RNF152: variants seen among roughly 807,000 people sequenced by gnomAD.
The protein encoded by RNF152 is E3 ubiquitin-protein ligase RNF152.
A neutral mutation model predicts 12.7 loss-of-function variants in RNF152; 11 were observed. That is an observed-to-expected ratio of 0.86 (90% CI 0.54 to 1.43). RNF152 has a LOEUF of 1.43. Among genes scored for constraint, RNF152 ranks in the 40% most tolerant of loss-of-function variants. The pLI, the probability that RNF152 is intolerant of heterozygous loss-of-function variation, is 0.00. For missense variants in RNF152, 255 were observed against 274.8 expected (o/e 0.93, Z 0.51); for synonymous variants, 113 against 120.3 (o/e 0.94, Z 0.40).
chr18:61,837,125 G>T (rs1232147739), intron 1 of RNF152, among the ~76,000 whole-genome samples: 1 of 152,304 alleles, frequency 6.6e-6, no homozygotes, highest in African/African-American at 2.4e-5. Flanking sequence ...ACGCCTAAAT[G>T]TTCGTCTTGC....
chr18:61,837,104 T>A (rs1221125190), intron 1 of RNF152, among the ~76,000 whole-genome samples: 1 of 152,172 alleles, frequency 6.6e-6, no homozygotes, highest in Non-Finnish European at 1.5e-5. Context: ...CAACATCCCT[T>A]ATGAAGTATC....
intron 1 of RNF152, among the ~76,000 whole-genome samples, chr18:61,844,134 GAAAGAAAT>G (rs1853424918): frequency 7.6e-6 from 1 of 131,020 alleles, no homozygotes. Context: ...AAGAAAGAAA[GAAAGAAAT>G]TAAGAGAAAA....
At position 61,812,588 on chromosome 18, in the gene RNF152, C is replaced by T. The variant is rs1293858393; in HGVS notation, c.*3264G>A. 2 of 152,158 alleles carry T rather than the reference C, an allele frequency of 1.3e-5. No homozygotes were observed. Among genetic ancestry groups the T allele is most frequent in the African/African-American group, 4.8e-5 (2 of 41,438 alleles). The allele number at this position is 152,158 out of a possible 1,614,324, so 9.4% of individuals were successfully genotyped here. On this transcript the variant is annotated 3_prime_UTR_variant, in exon 2 of 2. Coordinates refer to ENST00000312828, the MANE Select transcript of RNF152 (RefSeq NM_173557.3). Reference sequence around the variant, plus strand: ...CTTCTTAGTAGCATTCTTGGCTCTACTTAACATATTAAGCATTCTCTTCCT... The same window carrying T: ...CTTCTTAGTAGCATTCTTGGCTCTATTTAACATATTAAGCATTCTCTTCCT...
At position 61,816,333 on chromosome 18, in the gene RNF152, G is replaced by A. The variant is rs534174830; in HGVS notation, c.131C>T (p.Thr44Ile). Residue 44 changes from threonine to isoleucine, a missense_variant, in exon 2 of 2, where the codon ACC (threonine) becomes ATC (isoleucine). Physicochemically the swap from Thr to Ile is moderately conservative, Grantham distance 89. Transcript: ENST00000312828. Reference sequence around the variant, plus strand: ...GGGGCACCGCACATCCTTCTGGCTGGTCCTCATCTGCTGCAGGCACACTGA... The same window carrying A: ...GGGGCACCGCACATCCTTCTGGCTGATCCTCATCTGCTGCAGGCACACTGA... ...CCSVCLQQMR[T>I]SQKDVRCPWC... is the part of the protein sequence containing the mutation. 3.7e-6 allele frequency: 6 copies of A among 1,614,240 alleles called. No homozygotes were observed. In the African/African-American group the frequency reaches 6.7e-5, roughly 18 times the overall value.
chr18:61,877,959 G>T (rs976612882), intron 1 of RNF152, among the ~76,000 whole-genome samples: 1 of 152,148 alleles, frequency 6.6e-6, no homozygotes, highest in Non-Finnish European at 1.5e-5. Context: ...TGGCAAGGGA[G>T]CATCTGCTCC....
chr18:61,889,018 C>T (rs1912824316), intron 1 of RNF152, among the ~76,000 whole-genome samples: 2 of 152,188 alleles, frequency 1.3e-5, no homozygotes. Context: ...CTTTCATTTT[C>T]CTTCTCCCTC....
intron 1 of RNF152, among the ~76,000 whole-genome samples, chr18:61,851,245 T>G (rs151029357): frequency 6.6e-6 from 1 of 152,224 alleles, no homozygotes; most frequent in Non-Finnish European, 1.5e-5. Flanking sequence ...AATCAAACTT[T>G]ATTTTTTATT....
chr18:61,848,424 A>C (rs923744276), intron 1 of RNF152, among the ~76,000 whole-genome samples: 2 of 152,252 alleles, frequency 1.3e-5, no homozygotes, highest in Non-Finnish European at 2.9e-5. Flanking sequence ...ATCAAAGAAA[A>C]AAAAATCAAT....
intron 1 of RNF152, among the ~76,000 whole-genome samples, chr18:61,849,181 G>A (rs1337099997): frequency 6.6e-6 from 1 of 151,978 alleles, no homozygotes; most frequent in African/African-American, 2.4e-5. Flanking sequence ...GCCCTGCGGG[G>A]GCTTCACCAG....
intron 1 of RNF152, among the ~76,000 whole-genome samples, chr18:61,842,471 G>A (rs936688139): frequency 3.3e-5 from 5 of 152,192 alleles, no homozygotes; most frequent in African/African-American, 9.7e-5. Flanking sequence ...AGTTGTCACA[G>A]GGGCTTTGTT....
At chr18:61,847,006 T>C (rs1294167611) in intron 1 of RNF152, among the ~76,000 whole-genome samples, 2 of 152,120 alleles carry the variant, frequency 1.3e-5, no homozygotes, top group Non-Finnish European at 2.9e-5. Context: ...ATCAAAATAT[T>C]GTTATGAGGA....
intron 1 of RNF152, among the ~76,000 whole-genome samples, chr18:61,853,256 T>G (rs1296257087): frequency 1.3e-5 from 2 of 151,978 alleles, no homozygotes; most frequent in African/African-American, 4.8e-5. Context: ...CAGAGCTGTT[T>G]CTTTCTGGGG....
intron 1 of RNF152, among the ~76,000 whole-genome samples, chr18:61,852,675 G>T (rs1196450661): frequency 7.9e-5 from 12 of 152,152 alleles, no homozygotes; most frequent in Admixed American, 7.9e-4. Context: ...TTCCAGTGCT[G>T]TGGTTTGGCT....
upstream of RNF152, chr18:61,893,624 G>C (rs986875683): frequency 2.0e-5 from 3 of 152,480 alleles, no homozygotes; most frequent in African/African-American, 7.2e-5. Flanking sequence ...CCTTCACAGC[G>C]CTCTCTAATC....
intron 1 of RNF152, among the ~76,000 whole-genome samples, chr18:61,846,215 T>C (rs777069194): frequency 6.6e-6 from 1 of 152,126 alleles, no homozygotes; most frequent in African/African-American, 2.4e-5. Context: ...ACCCAAACAC[T>C]CTCTCTTGTT....
chr18:61,839,296 A>G (rs1191530909), intron 1 of RNF152, among the ~76,000 whole-genome samples: 1 of 152,244 alleles, frequency 6.6e-6, no homozygotes, highest in Non-Finnish European at 1.5e-5. Context: ...TTTACTTGTC[A>G]TAATCCTTTA....
chr18:61,889,423 T>A (rs902213109), intron 1 of RNF152, among the ~76,000 whole-genome samples: 1 of 152,196 alleles, frequency 6.6e-6, no homozygotes, highest in African/African-American at 2.4e-5. Flanking sequence ...AACAAAGATA[T>A]ATGAGTGAAC....
At chr18:61,893,811 C>A (rs1181365176), upstream of RNF152, 1 of 152,090 alleles carries the variant, frequency 6.6e-6, no homozygotes, top group Non-Finnish European at 1.5e-5. Context: ...CGGACCGGAG[C>A]TCCAGGGGGC....
At chr18:61,846,264 AAAAC>A (rs747673091) in intron 1 of RNF152, among the ~76,000 whole-genome samples, 33 of 152,276 alleles carry the variant, frequency 2.2e-4, no homozygotes, top group Non-Finnish European at 4.4e-5. Flanking sequence ...TTTTTAATAA[AAAAC>A]AATCCCAAAA....
Sources: allele counts gnomAD v4.1 joint callset (sites outside exome capture counted in the v4.1 genomes callset), GRCh38; gene constraint gnomAD v4.1.1; transcripts MANE v1.5; gene names NCBI Gene and HGNC (gene_info 2026-07-23, HGNC 2026-07-21).